Variants in SNTG1 observed in about 807,000 individuals in gnomAD.
SNTG1 encodes the protein syntrophin gamma 1, also known as gamma-1-syntrophin.
In SNTG1, 39 loss-of-function variants were observed where a neutral mutation model predicts 74.7. That is an observed-to-expected ratio of 0.52 (90% CI 0.40 to 0.68). The LOEUF is 0.68. SNTG1 is among the 30% of genes least tolerant of loss of function. SNTG1 has a pLI of 0.00. For missense variants in SNTG1, 685 were observed against 609.5 expected (o/e 1.12, Z -1.30); for synonymous variants, 254 against 217.1 (o/e 1.17, Z -1.49).
At chr8:50,197,130 G>C (rs542926406) in intron 2 of SNTG1, among the ~76,000 whole-genome samples, 1 of 152,108 alleles carries the variant, frequency 6.6e-6, no homozygotes, top group Admixed American at 6.6e-5. Context: ...TAGCAAAAAT[G>C]ATTGTTATTT....
Position 50,658,639 on chromosome 8 carries a change from T to C in SNTG1, c.1014T>C (p.Tyr338=), listed in dbSNP as rs2095198821. The C allele has an allele frequency of 6.2e-7, 1 of 1,602,562 alleles. No homozygotes were observed. The highest frequency in any genetic ancestry group is 1.1e-5 in the South Asian group (1 of 90,728). The change falls in exon 15 of 19, where the codon TAT becomes TAC. Residue 338 remains tyrosine (Y), a synonymous_variant. Transcript: ENST00000642720. Reference sequence around the variant, plus strand: ...GAGCAGAGAAAACATTCTCAGTTTATGAGATTATGTGCAAGATCCTCAAGG... The same window carrying C: ...GAGCAGAGAAAACATTCTCAGTTTACGAGATTATGTGCAAGATCCTCAAGG... ...WTRAEKTFSV[Y]EIMCKILKDS...
intron 14 of SNTG1, 43 bp from the exon 15 acceptor site, chr8:50,658,549 A>G: frequency 1.4e-6 from 2 of 1,429,504 alleles, no homozygotes; most frequent in Admixed American, 1.9e-5. Context: ...GTGGTAAATA[A>G]CTTTCTAAAA....
chr8:49,977,330 CTG>C (rs556439836), intron 1 of SNTG1, among the ~76,000 whole-genome samples: 111 of 151,798 alleles, frequency 7.3e-4, no homozygotes, highest in Admixed American at 6.6e-4. Context: ...AATGTAGGGA[CTG>C]TGCTTTTTTT....
intron 2 of SNTG1, among the ~76,000 whole-genome samples, chr8:50,309,656 A>G (rs2090033246): frequency 6.6e-6 from 1 of 152,180 alleles, no homozygotes; most frequent in Non-Finnish European, 1.5e-5. Context: ...GAACAAATAT[A>G]CCATATCTTA....
At chr8:50,279,687 T>C (rs930294881) in intron 2 of SNTG1, among the ~76,000 whole-genome samples, 2 of 152,160 alleles carry the variant, frequency 1.3e-5, no homozygotes. Flanking sequence ...ATATCATGCA[T>C]ACAAGAGAGA....
At chr8:50,069,081 C>G (rs1348534366) in intron 1 of SNTG1, among the ~76,000 whole-genome samples, 1 of 152,162 alleles carries the variant, frequency 6.6e-6, no homozygotes, top group Non-Finnish European at 1.5e-5. Flanking sequence ...AAACTTGTAT[C>G]CAGTACCTTC....
chr8:50,692,999 G>T (rs185782675), intron 15 of SNTG1, among the ~76,000 whole-genome samples: 1 of 152,158 alleles, frequency 6.6e-6, no homozygotes, highest in Admixed American at 6.5e-5. Context: ...GATTGATCTC[G>T]GACTGCTGTG....
intron 1 of SNTG1, among the ~76,000 whole-genome samples, chr8:50,059,398 T>C (rs1169898867): frequency 6.6e-6 from 1 of 152,096 alleles, no homozygotes; most frequent in Non-Finnish European, 1.5e-5. Flanking sequence ...TTAATGGCTT[T>C]TAGTATATCT....
At chr8:50,632,604 C>A (rs2095008955) in intron 13 of SNTG1, among the ~76,000 whole-genome samples, 2 of 152,222 alleles carry the variant, frequency 1.3e-5, no homozygotes, top group Non-Finnish European at 1.5e-5. Flanking sequence ...GCCACCACAC[C>A]CAGCCCTATT....
chr8:50,142,681 T>A (rs1229750236), intron 1 of SNTG1, among the ~76,000 whole-genome samples: 1 of 152,146 alleles, frequency 6.6e-6, no homozygotes, highest in African/African-American at 2.4e-5. Context: ...CATTTTTACT[T>A]TATACAAGTG....
chr8:50,216,498 T>C (rs149891365), intron 2 of SNTG1, among the ~76,000 whole-genome samples: 32 of 152,270 alleles, frequency 2.1e-4, no homozygotes, highest in Admixed American at 6.6e-4. Context: ...CTGTTAAGAG[T>C]AGCAACAGAC....
rs186870379 is a variant in SNTG1, at chr8:49,946,951, T to G, written c.-103+34720T>G. Among the ~76,000 whole-genome samples, 5 of 152,304 alleles carry G rather than the reference T, an allele frequency of 3.3e-5. No individual in the cohort carries two copies. The East Asian group carries it at 9.6e-4, about 29-fold the overall frequency. ...ATATTCAACATATACGTTTAACACA[T>G]TCACAACAAATTTAGCAATTCGTAA... is the stretch of plus-strand genomic sequence containing the variant. On this transcript the variant is annotated intron_variant, in intron 1 of 18. Coordinates refer to ENST00000642720, the MANE Select transcript of SNTG1 (RefSeq NM_018967.5).
At chr8:50,037,036 A>G (rs942272926) in intron 1 of SNTG1, among the ~76,000 whole-genome samples, 4 of 152,220 alleles carry the variant, frequency 2.6e-5, no homozygotes, top group Non-Finnish European at 4.4e-5. Context: ...CACCATAGAT[A>G]CATAACTTTC....
chr8:50,384,266 C>T lies in SNTG1; in HGVS notation c.-27-9946C>T, dbSNP rs116083496. ...GATGGTGGGAAAATGGTAAGACCAG[C>T]CCAGTGAAATTTATGAGCATGGACT... On this transcript the variant is annotated intron_variant, in intron 2 of 18. Transcript: ENST00000642720. Among the ~76,000 whole-genome samples the T allele has an allele frequency of 9.4e-3, 1,424 of 152,232 alleles. 28 individuals are homozygous for T. Among genetic ancestry groups the T allele is most frequent in the African/African-American group, 0.033 (1,350 of 41,532 alleles).
chr8:50,766,677 T>C (rs1007998696), intron 18 of SNTG1, among the ~76,000 whole-genome samples: 1 of 151,906 alleles, frequency 6.6e-6, no homozygotes, highest in Non-Finnish European at 1.5e-5. Context: ...CAAGAGAATA[T>C]ACCTATTTAT....
intron 1 of SNTG1, among the ~76,000 whole-genome samples, chr8:50,068,532 C>T (rs1386742772): frequency 6.6e-6 from 1 of 152,140 alleles, no homozygotes; most frequent in Non-Finnish European, 1.5e-5. Context: ...ACACCCCCAC[C>T]CCTGCCAGCC....
chr8:50,703,114 G>A (rs2095431753), intron 15 of SNTG1, among the ~76,000 whole-genome samples: 2 of 151,972 alleles, frequency 1.3e-5, no homozygotes, highest in African/African-American at 4.8e-5. Flanking sequence ...TTTATAAGAA[G>A]TATTTTTTTC....
At chr8:50,149,801 C>T (rs903178606) in intron 1 of SNTG1, among the ~76,000 whole-genome samples, 21 of 152,030 alleles carry the variant, frequency 1.4e-4, no homozygotes, top group Admixed American at 1.3e-3. Flanking sequence ...TGTAGCCTTG[C>T]AGTATAGTTT....
chr8:50,553,293 C>A, intron 12 of SNTG1, 114 bp downstream of exon 12: 1 of 1,337,876 alleles, frequency 7.5e-7, no homozygotes, highest in East Asian at 2.4e-5. Context: ...ATGAGACATT[C>A]ATGAAAGCTA....
Sources: gnomAD v4.1 joint callset for allele counts (sites outside exome capture counted in the v4.1 genomes callset) on GRCh38, gnomAD v4.1.1 for gene constraint, MANE v1.5 for transcripts, NCBI Gene and HGNC (gene_info 2026-07-23, HGNC 2026-07-21) for gene names.